The following GLIS3 variants were observed in gnomAD, a reference collection of about 807,000 sequenced individuals.
GLIS3 encodes GLIS family zinc finger 3.
Under a neutral mutation model 78.6 loss-of-function variants are expected in GLIS3, and 53 were observed. That is an observed-to-expected ratio of 0.67 (90% CI 0.54 to 0.85). The LOEUF is 0.85. GLIS3 is among the 40% of genes least tolerant of loss of function. The probability of loss-of-function intolerance (pLI) is 0.00; values close to 1 mark genes in which losing one functional copy is unlikely to be tolerated. For synonymous variants in GLIS3, 684 were observed against 509.9 expected, an observed-to-expected ratio of 1.34 and a Z score of -4.60; for missense variants, 1,703 against 1,231.1, an observed-to-expected ratio of 1.38 and a Z score of -5.74.
At chr9:4,451,142 G>T in the GLIS3 span, among the ~76,000 whole-genome samples, 12 of 152,200 alleles carry the variant, frequency 7.9e-5, no homozygotes, top group Non-Finnish European at 1.8e-4. Flanking sequence ...CAAAATAAAG[G>T]GATGGAGGAA....
the GLIS3 span, among the ~76,000 whole-genome samples, chr9:4,470,621 T>C: frequency 1.3e-5 from 2 of 152,052 alleles, no homozygotes; most frequent in Non-Finnish European, 2.9e-5. Context: ...ATAAGAGCTA[T>C]CTATGACAAA....
At chr9:4,355,500 G>C in the GLIS3 span, among the ~76,000 whole-genome samples, 1 of 152,112 alleles carries the variant, frequency 6.6e-6, no homozygotes, top group Non-Finnish European at 1.5e-5. Context: ...ACAGTACATA[G>C]CTAGCTCAAA....
intron 2 of GLIS3, among the ~76,000 whole-genome samples, chr9:4,169,958 G>A (rs767992154): frequency 5.9e-5 from 9 of 152,066 alleles, no homozygotes; most frequent in Non-Finnish European, 7.4e-5. Context: ...AGACACAAGC[G>A]TCCTCACATC....
chr9:3,842,364 C>T (rs746261985), intron 9 of GLIS3, among the ~76,000 whole-genome samples: 44 of 152,064 alleles, frequency 2.9e-4, no homozygotes, highest in Non-Finnish European at 5.4e-4. Flanking sequence ...CCCAGCTACT[C>T]GGCAGGCTGA....
chr9:4,303,813 ATATC>A (rs1817155676), upstream of GLIS3, among the ~76,000 whole-genome samples: 2 of 152,364 alleles, frequency 1.3e-5, no homozygotes, highest in South Asian at 4.1e-4. Flanking sequence ...TTACTTAGGT[ATATC>A]TACAAAGAGC....
chr9:4,379,169 G>C, the GLIS3 span, among the ~76,000 whole-genome samples: 1 of 152,022 alleles, frequency 6.6e-6, no homozygotes, highest in African/African-American at 2.4e-5. Context: ...TACCATTTCT[G>C]TACATAAGGC....
intron 6 of GLIS3, among the ~76,000 whole-genome samples, chr9:3,929,372 T>G (rs1432179334): frequency 6.6e-6 from 1 of 152,176 alleles, no homozygotes; most frequent in Non-Finnish European, 1.5e-5. Flanking sequence ...TTTTCACAGC[T>G]TGAATAATGT....
chr9:4,114,280 T>C (rs1831452920), intron 4 of GLIS3, among the ~76,000 whole-genome samples: 1 of 152,154 alleles, frequency 6.6e-6, no homozygotes, highest in African/African-American at 2.4e-5. Context: ...GGTAAAAAGA[T>C]CTACAGTACA....
intron 2 of GLIS3, among the ~76,000 whole-genome samples, chr9:4,320,037 G>C (rs918819113): frequency 6.6e-6 from 1 of 150,562 alleles, no homozygotes; most frequent in Non-Finnish European, 1.5e-5. Flanking sequence ...GCGCGCACAA[G>C]AGTCAAATTA....
At chr9:4,268,828 C>A (rs1826244276) in intron 2 of GLIS3, among the ~76,000 whole-genome samples, 1 of 152,170 alleles carries the variant, frequency 6.6e-6, no homozygotes, top group Non-Finnish European at 1.5e-5. Flanking sequence ...TGGGTCCCAG[C>A]TCCAAGCCTC....
Position 4,014,153 on chromosome 9 carries a change from C to A in GLIS3, c.1711-76964G>T, listed in dbSNP as rs74754152. On this transcript the variant is annotated intron_variant, in intron 4 of 10. Coordinates refer to ENST00000381971, the MANE Select transcript of GLIS3 (RefSeq NM_001042413.2). ...GATACTTGCCTTTCTGGTGGCAAAA[C>A]CAATGGCTGGATTTGGCCTCAATGA... 4.7e-3 allele frequency among the ~76,000 whole-genome samples: 721 copies of A among 152,274 alleles called. 4 individuals carry two copies. Among genetic ancestry groups the A allele is most frequent in the African/African-American group, 0.017 (687 of 41,540 alleles).
At chr9:4,371,550 A>G in the GLIS3 span, among the ~76,000 whole-genome samples, 1 of 152,150 alleles carries the variant, frequency 6.6e-6, no homozygotes, top group Non-Finnish European at 1.5e-5. Context: ...AGACTTGCCA[A>G]TGGGGACACC....
At chr9:3,872,496 T>C (rs192028255) in intron 8 of GLIS3, among the ~76,000 whole-genome samples, 97 of 152,284 alleles carry the variant, frequency 6.4e-4, no homozygotes, top group Non-Finnish European at 1.1e-3. Context: ...TCATGGCAGA[T>C]TGTAAGGAGG....
At chr9:4,245,697 C>T (rs1250190950) in intron 2 of GLIS3, among the ~76,000 whole-genome samples, 1 of 152,126 alleles carries the variant, frequency 6.6e-6, no homozygotes, top group African/African-American at 2.4e-5. Flanking sequence ...GATGGATACG[C>T]TAATTATCCT....
the GLIS3 span, among the ~76,000 whole-genome samples, chr9:4,449,548 A>C: frequency 4.6e-5 from 7 of 152,218 alleles, no homozygotes; most frequent in African/African-American, 1.7e-4. Flanking sequence ...GTGTAGCCTA[A>C]CTGGGAGACA....
intron 2 of GLIS3, among the ~76,000 whole-genome samples, chr9:4,345,773 G>A (rs1004736655): frequency 6.6e-6 from 1 of 152,300 alleles, no homozygotes; most frequent in South Asian, 2.1e-4. Context: ...ACCACAAGAA[G>A]ATAAAGCAAA....
chr9:4,490,361 G>C, the GLIS3 span: 1 of 187,632 alleles, frequency 5.3e-6, no homozygotes, highest in Admixed American at 6.3e-5. Flanking sequence ...TCCCACGCAC[G>C]CACCCACCCT....
intron 4 of GLIS3, among the ~76,000 whole-genome samples, chr9:4,000,733 G>A (rs946015858): frequency 7.2e-5 from 11 of 152,058 alleles, no homozygotes; most frequent in Admixed American, 3.3e-4. Flanking sequence ...CCTCCCTGCC[G>A]CTCACCTGCA....
chr9:4,084,086 T>C (rs1828789129), intron 4 of GLIS3, among the ~76,000 whole-genome samples: 1 of 152,144 alleles, frequency 6.6e-6, no homozygotes, highest in East Asian at 1.9e-4. Context: ...ACAGCAACTT[T>C]TCCAGGTCTG....
Sources: allele counts gnomAD v4.1 joint callset (sites outside exome capture counted in the v4.1 genomes callset), GRCh38; gene constraint gnomAD v4.1.1; transcripts MANE v1.5; gene names NCBI Gene and HGNC (gene_info 2026-07-23, HGNC 2026-07-21).